Variants in PCDH9 observed in about 807,000 individuals in gnomAD.
PCDH9 encodes protocadherin 9, also known as protocadherin-9.
A neutral mutation model predicts 70.6 loss-of-function variants in PCDH9; 24 were observed. The observed-to-expected ratio is 0.34, with a 90% CI of 0.25 to 0.48. The LOEUF is 0.48. Among genes scored for constraint, PCDH9 ranks in the 20% least tolerant of loss-of-function variants. PCDH9 has a pLI of 0.99. For synonymous variants in PCDH9, 562 were observed against 558.5 expected (o/e 1.01, Z -0.09); for missense variants, 1,281 against 1,503.6 (o/e 0.85, Z 2.45).
intron 3 of PCDH9, among the ~76,000 whole-genome samples, chr13:66,823,852 A>C (rs1182966756): frequency 6.6e-6 from 1 of 152,154 alleles, no homozygotes; most frequent in Non-Finnish European, 1.5e-5. Flanking sequence ...ATTTTTTGAC[A>C]CTATATTAGT....
At chr13:67,002,493 C>T (rs369208056) in intron 2 of PCDH9, among the ~76,000 whole-genome samples, 1 of 138,486 alleles carries the variant, frequency 7.2e-6, no homozygotes, top group Non-Finnish European at 1.6e-5. Flanking sequence ...AGTCACTATT[C>T]TGTTTTAAAA....
intron 2 of PCDH9, among the ~76,000 whole-genome samples, chr13:67,146,641 T>C (rs1162967571): frequency 1.3e-5 from 2 of 152,158 alleles, no homozygotes; most frequent in Non-Finnish European, 2.9e-5. Flanking sequence ...CTATCCAAAA[T>C]AGATCCTTCC....
chr13:66,500,901 A>G (rs2324912), intron 4 of PCDH9, among the ~76,000 whole-genome samples: 4,716 of 152,148 alleles, frequency 0.031, 140 homozygotes, highest in Admixed American at 0.075. Context: ...CTTTTTCCCT[A>G]TATCCACATA....
In PCDH9 at chr13:66,817,222, C is replaced by G. The variant is rs148689660; in HGVS notation, c.3138+86282G>C. Among the ~76,000 whole-genome samples the G allele has an allele frequency of 7.5e-3, 1,134 of 152,024 alleles. 5 individuals are homozygous for G. Among genetic ancestry groups the G allele is most frequent in the Non-Finnish European group, 0.01 (708 of 67,986 alleles). On this transcript the variant is annotated intron_variant, in intron 3 of 4. Coordinates refer to ENST00000377865, the MANE Select transcript of PCDH9 (RefSeq NM_203487.3). ...TTTTGGTATTGCCTGGGGTCCTGAC[C>G]CCATTCCACAAGAGCTGCATAACAT... is the stretch of plus-strand genomic sequence containing the variant.
At chr13:66,708,073 G>A (rs1038526286) in intron 3 of PCDH9, among the ~76,000 whole-genome samples, 15 of 150,792 alleles carry the variant, frequency 9.9e-5, no homozygotes, top group Non-Finnish European at 1.9e-4. Flanking sequence ...TTTTTGAGAC[G>A]GAGTCTCGCT....
At chr13:66,771,316 C>A (rs2079803352) in intron 3 of PCDH9, among the ~76,000 whole-genome samples, 1 of 152,126 alleles carries the variant, frequency 6.6e-6, no homozygotes, top group South Asian at 2.1e-4. Flanking sequence ...TTTCACTTTT[C>A]TTTTTCCTTT....
intron 2 of PCDH9, among the ~76,000 whole-genome samples, chr13:66,961,672 A>G (rs1165609717): frequency 6.6e-6 from 1 of 152,186 alleles, no homozygotes; most frequent in Non-Finnish European, 1.5e-5. Flanking sequence ...GTAAGGCTGC[A>G]AAGCCAAAAA....
At position 67,226,838 on chromosome 13, in the gene PCDH9, G is replaced by T; in HGVS notation, c.1603C>A (p.Gln535Lys). The T allele has an allele frequency of 1.2e-6, 2 of 1,614,122 alleles. No individual in the cohort carries two copies. Among genetic ancestry groups the T allele is most frequent in the Non-Finnish European group, 1.7e-6 (2 of 1,180,004 alleles). Residue 535 changes from glutamine to lysine, a missense_variant, in exon 2 of 5, where the codon CAA (glutamine) becomes AAA (lysine). Transcript: ENST00000377865. This position sits in a 1 kb window ranked among gnomAD's most constrained non-coding sequence, Gnocchi z 5.0. ...TASRVFDREE[Q>K]ERFIFTVTAR... ...GTTACTGTAAAAATGAATCGTTCTT[G>T]TTCTTCTCTGTCAAATACTCTGGAG...
chr13:66,917,306 A>G (rs2082572433), intron 2 of PCDH9, among the ~76,000 whole-genome samples: 1 of 151,490 alleles, frequency 6.6e-6, no homozygotes, highest in African/African-American at 2.4e-5. Flanking sequence ...TGCCTTACAT[A>G]TATTTTACTG....
intron 2 of PCDH9, among the ~76,000 whole-genome samples, chr13:67,134,732 T>A (rs1196544232): frequency 1.3e-5 from 2 of 152,104 alleles, no homozygotes; most frequent in Non-Finnish European, 2.9e-5. Flanking sequence ...GAAACATGCT[T>A]GAGAGCAAAC....
At chr13:66,939,519 G>A (rs1039957190) in intron 2 of PCDH9, among the ~76,000 whole-genome samples, 3 of 151,008 alleles carry the variant, frequency 2.0e-5, no homozygotes, top group African/African-American at 2.4e-5. Flanking sequence ...TGCAATCTCC[G>A]TCCGCCTCCC....
At chr13:66,473,037 A>G (rs1958648892) in intron 4 of PCDH9, among the ~76,000 whole-genome samples, 2 of 151,830 alleles carry the variant, frequency 1.3e-5, no homozygotes, top group African/African-American at 4.8e-5. Context: ...TTTTTTATGG[A>G]TTGATTTGCA....
chr13:66,341,100 CTTTATTTTATTTATTT>C (rs984475747), intron 4 of PCDH9, among the ~76,000 whole-genome samples: 4 of 151,888 alleles, frequency 2.6e-5, no homozygotes, highest in Non-Finnish European at 4.4e-5. Flanking sequence ...AAATGACTTG[CTTTATTTTATTTATTT>C]TTTATTTTAT....
rs1594136277 is a variant in PCDH9, at chr13:66,843,809, G to A, written c.3138+59695C>T. Among the ~76,000 whole-genome samples, 8 of 152,192 alleles carry A rather than the reference G, an allele frequency of 5.3e-5. No homozygotes were observed. The South Asian group carries it at 1.7e-3, about 31-fold the overall frequency. On this transcript the variant is annotated intron_variant, in intron 3 of 4. Coordinates refer to ENST00000377865, the MANE Select transcript of PCDH9 (RefSeq NM_203487.3). Reference sequence around the variant, plus strand: ...GGAATGAGGTTAAGAGATGGTACCTGCTGGTGACAGTGTTTGGCTCTGAAA... The same window carrying A: ...GGAATGAGGTTAAGAGATGGTACCTACTGGTGACAGTGTTTGGCTCTGAAA...
intron 3 of PCDH9, among the ~76,000 whole-genome samples, chr13:66,721,896 G>A (rs1380925685): frequency 6.6e-6 from 1 of 152,094 alleles, no homozygotes; most frequent in Non-Finnish European, 1.5e-5. Context: ...ATATCTCCCA[G>A]AACCTCCAAT....
chr13:66,760,216 C>A (rs1383887523), intron 3 of PCDH9, among the ~76,000 whole-genome samples: 1 of 152,126 alleles, frequency 6.6e-6, no homozygotes, highest in African/African-American at 2.4e-5. Context: ...AAGTCCTCTG[C>A]TGGACATATT....
intron 3 of PCDH9, among the ~76,000 whole-genome samples, chr13:66,734,208 A>G (rs2079113921): frequency 6.6e-6 from 1 of 152,206 alleles, no homozygotes; most frequent in Admixed American, 6.5e-5. Flanking sequence ...TGCCTACATA[A>G]TGAAAGCCCA....
intron 2 of PCDH9, among the ~76,000 whole-genome samples, chr13:66,904,943 T>C (rs9540942): frequency 0.13 from 19,471 of 152,014 alleles, 1,360 homozygotes; most frequent in Middle Eastern, 0.2. Flanking sequence ...AAATATTTTA[T>C]ATCTGTTCTC....
At chr13:66,466,080 C>T (rs898465299) in intron 4 of PCDH9, among the ~76,000 whole-genome samples, 1 of 151,824 alleles carries the variant, frequency 6.6e-6, no homozygotes. Context: ...TTGTCTGATT[C>T]TTCATTTCTC....
Sources: gnomAD v4.1 joint callset for allele counts (sites outside exome capture counted in the v4.1 genomes callset) on GRCh38, gnomAD v4.1.1 for gene constraint, Gnocchi (gnomAD v3.1) non-coding constraint, MANE v1.5 for transcripts, NCBI Gene and HGNC (gene_info 2026-07-23, HGNC 2026-07-21) for gene names.